The following IL36G variants were observed in gnomAD, a reference collection of about 807,000 sequenced individuals.
IL36G encodes the protein interleukin-36 gamma.
In IL36G, 10 loss-of-function variants were observed where a neutral mutation model predicts 13.5. That is an observed-to-expected ratio of 0.74 (90% CI 0.46 to 1.26). IL36G has a LOEUF of 1.26. Among genes scored for constraint, IL36G ranks in the 50% most tolerant of loss-of-function variants. The pLI is 0.00. For missense variants in IL36G, 199 were observed against 203.0 expected (o/e 0.98, Z 0.12); for synonymous variants, 84 against 74.0 (o/e 1.13, Z -0.69).
intron 4 of IL36G, chr2:112,981,508 G>A (rs1260014650): frequency 1.8e-5 from 10 of 548,328 alleles, no homozygotes; most frequent in Non-Finnish European, 2.3e-5. Context: ...GTCAGTCTGG[G>A]GGCTGTTCTT....
In IL36G at chr2:112,980,079, G is replaced by T. The variant is rs775071216; in HGVS notation, c.231G>T (p.Leu77Phe). The T allele has an allele frequency of 6.2e-7, 1 of 1,613,862 alleles. No homozygotes were observed. Among genetic ancestry groups the T allele is most frequent in the Non-Finnish European group, 8.5e-7 (1 of 1,179,744 alleles). ...LEQGRGDPIY[L>F]GIQNPEMCLY... ...AAGGCAGAGGGGATCCCATTTATTT[G>T]GGAATCCAGAATCCAGAAATGTGTT... The change falls in exon 4 of 5, where the codon TTG (leucine) becomes TTT (phenylalanine). Residue 77 changes from leucine (L) to phenylalanine (F), a missense_variant. Physicochemically the swap from Leu to Phe is conservative, Grantham distance 22 (BLOSUM62 0). Transcript: ENST00000259205.
rs3075080 is a variant in IL36G, at chr2:112,979,836, TATGAATGAATGA to T, written c.161-158_161-147del. On this transcript the variant is annotated intron_variant, in intron 3 of 4. Transcript: ENST00000259205. ...TACTAGGGCAGTGATTGGCACATGG[TATGAATGAATGA>T]ATGAATGAATGAATATGGGGGTTGG... Among the ~76,000 whole-genome samples, 209 of 151,540 alleles carry T rather than the reference TATGAATGAATGA, an allele frequency of 1.4e-3. 1 individual carries two copies. The highest frequency in any genetic ancestry group is 4.7e-3 in the African/African-American group (193 of 41,452).
At chr2:112,984,631 C>A (rs948421524) in intron 4 of IL36G, among the ~76,000 whole-genome samples, 1 of 152,176 alleles carries the variant, frequency 6.6e-6, no homozygotes, top group African/African-American at 2.4e-5. Context: ...CCTACACCAT[C>A]TCTGGATTTG....
chr2:112,981,059 A>C, intron 4 of IL36G: 1 of 693,662 alleles, frequency 1.4e-6, no homozygotes, highest in Non-Finnish European at 2.6e-6. Flanking sequence ...TAGCTTAAAA[A>C]GAAAAGTAAA....
chr2:112,978,623 C>T lies in IL36G; in HGVS notation c.-16C>T, dbSNP rs768032731. On this transcript the variant is annotated 5_prime_UTR_variant, in exon 2 of 5. Coordinates refer to ENST00000259205, the MANE Select transcript of IL36G (RefSeq NM_019618.4). ...TGTTCTATGTCTGCTTTCACAGGTG[C>T]TGAGACAACCACACTATGAGAGGCA... is the stretch of plus-strand genomic sequence containing the variant. The T allele has an allele frequency of 1.2e-6, 2 of 1,613,374 alleles. No individual in the cohort carries two copies. The highest frequency in any genetic ancestry group is 1.7e-6 in the Non-Finnish European group (2 of 1,179,298).
intron 3 of IL36G, 53 bp downstream of exon 3, chr2:112,979,378 G>T: frequency 9.6e-7 from 1 of 1,039,732 alleles, no homozygotes; most frequent in Non-Finnish European, 1.5e-6. Flanking sequence ...TGGCTGGGAA[G>T]CTGGCATCAG....
intron 3 of IL36G, among the ~76,000 whole-genome samples, chr2:112,979,691 C>T (rs59786187): frequency 1.3e-5 from 2 of 152,178 alleles, no homozygotes. Flanking sequence ...GGACCAAGCT[C>T]TCCAAGAATC....
At chr2:112,981,212 G>A (rs1273127116) in intron 4 of IL36G, 4 of 1,294,744 alleles carry the variant, frequency 3.1e-6, no homozygotes, top group Non-Finnish European at 4.4e-6. Context: ...CCCTGTTTTG[G>A]CATCTCTATT....
In IL36G at chr2:112,982,615, A is replaced by G. The variant is rs1412830027; in HGVS notation, c.301-2225A>G. On this transcript the variant is annotated intron_variant, in intron 4 of 4. Transcript: ENST00000259205. ...GGGGAGCAGTGAGTCAGATTCTGGT[A>G]GTATTTTAAGTGGAGGAAACAGGAT... 2.0e-5 allele frequency among the ~76,000 whole-genome samples: 3 copies of G among 152,152 alleles called. No homozygotes were observed. The East Asian group carries it at 5.8e-4, about 29-fold the overall frequency.
At chr2:112,980,285 A>G (rs1046997125) in intron 4 of IL36G, 137 bp downstream of exon 4, 9 of 753,488 alleles carry the variant, frequency 1.2e-5, no homozygotes, top group Non-Finnish European at 1.5e-5. Flanking sequence ...AGTTATGTGC[A>G]TGCAATACAC....
intron 3 of IL36G, among the ~76,000 whole-genome samples, 154 bp downstream of exon 3, chr2:112,979,479 G>C (rs935100436): frequency 1.3e-5 from 2 of 152,160 alleles, no homozygotes; most frequent in African/African-American, 4.8e-5. Context: ...GGAGAACTTT[G>C]GGTTCCACTA....
At chr2:112,981,530 A>G in intron 4 of IL36G, 1 of 507,570 alleles carries the variant, frequency 2.0e-6, no homozygotes, top group Non-Finnish European at 3.6e-6. Context: ...CCTCTTCTTC[A>G]CACTGCTCTG....
At chr2:112,980,218 G>C in intron 4 of IL36G, 70 bp downstream of exon 4, 4 of 1,318,916 alleles carry the variant, frequency 3.0e-6, no homozygotes, top group Non-Finnish European at 4.2e-6. Context: ...CCTAATTTTA[G>C]AATTAAAAAA....
chr2:112,981,943 A>G (rs1353963412), intron 4 of IL36G, among the ~76,000 whole-genome samples: 1 of 152,160 alleles, frequency 6.6e-6, no homozygotes, highest in Non-Finnish European at 1.5e-5. Context: ...ACTCAATCCA[A>G]TTCAATTAAG....
intron 4 of IL36G, chr2:112,981,450 A>C: frequency 1.5e-6 from 1 of 657,482 alleles, no homozygotes. Context: ...TGGCCACCCC[A>C]GCGGGATATA....
At chr2:112,981,228 CAG>C (rs1285682029) in intron 4 of IL36G, 3 of 1,378,596 alleles carry the variant, frequency 2.2e-6, no homozygotes, top group East Asian at 2.3e-5. Context: ...CTATTTTCTG[CAG>C]AGTTATTCCC....
At chr2:112,981,337 A>T in intron 4 of IL36G, 2 of 800,356 alleles carry the variant, frequency 2.5e-6, no homozygotes, top group Non-Finnish European at 4.4e-6. Context: ...GATTTGGAGG[A>T]GCAGGTTTAG....
In IL36G at chr2:112,980,057, G is replaced by C; in HGVS notation, c.209G>C (p.Gly70Ala). The C allele has an allele frequency of 6.2e-7, 1 of 1,613,878 alleles. No homozygotes were observed. Among genetic ancestry groups the C allele is most frequent in the East Asian group, 2.2e-5 (1 of 44,882 alleles). ...TCKYPEALEQ[G>A]RGDPIYLGIQ... is the part of the protein sequence containing the mutation. ...AAGTATCCAGAGGCTCTTGAGCAAG[G>C]CAGAGGGGATCCCATTTATTTGGGA... Residue 70 changes from glycine (G) to alanine (A), a missense_variant, in exon 4 of 5, where the codon GGC becomes GCC. By Grantham distance (60) the Gly-to-Ala change is moderately conservative (BLOSUM62 0). Coordinates refer to ENST00000259205, the MANE Select transcript of IL36G (RefSeq NM_019618.4).
At chr2:112,982,924 T>G (rs540446359) in intron 4 of IL36G, among the ~76,000 whole-genome samples, 1 of 152,238 alleles carries the variant, frequency 6.6e-6, no homozygotes, top group Non-Finnish European at 1.5e-5. Flanking sequence ...AAAGTGGAAC[T>G]GGTGGCGGTG....
Sources: allele counts gnomAD v4.1 joint callset (sites outside exome capture counted in the v4.1 genomes callset), GRCh38; gene constraint gnomAD v4.1.1; transcripts MANE v1.5; gene names NCBI Gene and HGNC (gene_info 2026-07-23, HGNC 2026-07-21).